CROT: variants seen among roughly 807,000 people sequenced by gnomAD.
CROT encodes peroxisomal carnitine O-octanoyltransferase.
Under a neutral mutation model 89.2 loss-of-function variants are expected in CROT, and 84 were observed. That is an observed-to-expected ratio of 0.94 (90% confidence interval 0.79 to 1.13). The LOEUF is 1.13. CROT is among the 50% of genes most tolerant of loss of function. CROT has a pLI of 0.00. For synonymous variants in CROT, 212 were observed against 239.5 expected (o/e 0.89, Z 1.06); for missense variants, 711 against 727.8 (o/e 0.98, Z 0.27).
At chr7:87,379,868 C>T (rs965907303) in intron 10 of CROT, among the ~76,000 whole-genome samples, 1 of 152,172 alleles carries the variant, frequency 6.6e-6, no homozygotes, top group African/African-American at 2.4e-5. Context: ...AATCCCAGCA[C>T]TTTGGGAGAC....
chr7:87,365,728 C>T (rs1161938713), intron 6 of CROT, among the ~76,000 whole-genome samples: 1 of 151,512 alleles, frequency 6.6e-6, no homozygotes, highest in African/African-American at 2.4e-5. Flanking sequence ...CCACTTCAGC[C>T]TCCTGAGTAG....
chr7:87,383,323 A>T (rs761627183), intron 13 of CROT, among the ~76,000 whole-genome samples: 1 of 151,756 alleles, frequency 6.6e-6, no homozygotes, highest in African/African-American at 2.4e-5. Flanking sequence ...CACGAGATCA[A>T]TTTTTTTTAA....
At chr7:87,368,106 C>T (rs745430948) in intron 6 of CROT, among the ~76,000 whole-genome samples, 20 of 152,176 alleles carry the variant, frequency 1.3e-4, no homozygotes, top group Non-Finnish European at 2.5e-4. Flanking sequence ...CTGCACTGAC[C>T]TTGTTTTCCT....
intron 13 of CROT, among the ~76,000 whole-genome samples, chr7:87,390,059 C>T (rs978584554): frequency 6.6e-6 from 1 of 152,066 alleles, no homozygotes; most frequent in African/African-American, 2.4e-5. Context: ...GGTCATTTAT[C>T]CTGTAGAGTT....
rs185406496 is a variant in CROT at position 87,374,337 on chromosome 7, T to A, written c.657-1295T>A. Among the ~76,000 whole-genome samples the A allele has an allele frequency of 9.8e-4, 149 of 152,198 alleles. 1 individual carries two copies. The highest frequency in any genetic ancestry group is 3.5e-3 in the African/African-American group (147 of 41,580). On this transcript the variant is annotated intron_variant, in intron 7 of 17. Transcript: ENST00000331536. ...ATGTCATTTCAGGTTTAACACACTTTCCTTTGTAATTTCTCCCTAATAATG... is the reference window on the plus strand; with the variant it reads ...ATGTCATTTCAGGTTTAACACACTTACCTTTGTAATTTCTCCCTAATAATG...
Position 87,375,658 on chromosome 7 carries a change from G to A in CROT, c.683G>A (p.Cys228Tyr), listed in dbSNP as rs1346103968. ...CAACTGACATATATCCACAAGAAGT[G>A]CCATAGTGAACCTGATGGACCTGGG... ...LRQLTYIHKK[C>Y]HSEPDGPGIA... Residue 228 changes from cysteine (C) to tyrosine (Y), a missense_variant, in exon 8 of 18, where the codon TGC becomes TAC. Cys to Tyr is a radical substitution (Grantham distance 194). Coordinates refer to ENST00000331536, the MANE Select transcript of CROT (RefSeq NM_021151.4). 1 of 1,613,160 alleles carries A rather than the reference G, an allele frequency of 6.2e-7. No individual in the cohort carries two copies. Among genetic ancestry groups the A allele is most frequent in the Non-Finnish European group, 8.5e-7 (1 of 1,179,230 alleles).
chr7:87,393,699 T>G (rs939216054), intron 17 of CROT, among the ~76,000 whole-genome samples: 1 of 152,178 alleles, frequency 6.6e-6, no homozygotes, highest in African/African-American at 2.4e-5. Flanking sequence ...AAAAATTACG[T>G]GACTACATTT....
chr7:87,363,586 G>T (rs553068760), intron 6 of CROT, among the ~76,000 whole-genome samples: 7 of 152,298 alleles, frequency 4.6e-5, no homozygotes, highest in African/African-American at 1.7e-4. Context: ...TGGATGGCCA[G>T]ATTGGAAAGG....
Position 87,361,784 on chromosome 7 carries a change from G to A in CROT, c.479G>A (p.Arg160Gln), listed in dbSNP as rs767687967. 53 of 1,608,446 alleles carry A rather than the reference G, an allele frequency of 3.3e-5. No homozygotes were observed. The highest frequency in any genetic ancestry group is 3.7e-5 in the Non-Finnish European group (44 of 1,177,288). ...GNTPLDMNQF[R>Q]MLFSTCKVPG... is the part of the protein sequence containing the mutation. ...ACTCCTCTAGATATGAATCAATTCC[G>A]AATGCTATTTTCTACCTGCAAGGTT... Residue 160 changes from arginine (R) to glutamine (Q), a missense_variant, in exon 6 of 18, where the codon CGA becomes CAA. By Grantham distance (43) the Arg-to-Gln change is conservative. Coordinates refer to ENST00000331536, the MANE Select transcript of CROT (RefSeq NM_021151.4).
At chr7:87,380,814 T>TTAAAA in intron 10 of CROT, among the ~76,000 whole-genome samples, 2 of 152,364 alleles carry the variant, frequency 1.3e-5, no homozygotes, top group Middle Eastern at 3.4e-3. Context: ...TGAAACAATA[T>TTAAAA]ATTTGATAAT....
At chr7:87,352,082 A>G (rs144482332) in intron 3 of CROT, among the ~76,000 whole-genome samples, 12 of 152,344 alleles carry the variant, frequency 7.9e-5, no homozygotes, top group African/African-American at 1.9e-4. Flanking sequence ...TTCCAAGAAG[A>G]GGAAAGATAT....
intron 6 of CROT, among the ~76,000 whole-genome samples, chr7:87,367,436 A>C (rs1243450329): frequency 6.6e-6 from 1 of 152,122 alleles, no homozygotes; most frequent in African/African-American, 2.4e-5. Flanking sequence ...CCAGTAAGAC[A>C]CATTTCAGAT....
chr7:87,392,760 T>C lies in CROT; in HGVS notation c.1535T>C (p.Leu512Pro). 1 of 1,613,800 alleles carries C rather than the reference T, an allele frequency of 6.2e-7. No individual in the cohort carries two copies. Among genetic ancestry groups the C allele is most frequent in the Non-Finnish European group, 8.5e-7 (1 of 1,179,818 alleles). Residue 512 changes from leucine to proline, a missense_variant, in exon 16 of 18, where the codon CTC becomes CCC. Coordinates refer to ENST00000331536, the MANE Select transcript of CROT (RefSeq NM_021151.4). ...GFDRHLLGLL[L>P]IAKEEGLPVP... The stretch of plus-strand genomic sequence containing the variant: ...GATCGTCACCTTTTAGGTCTCTTAC[T>C]CATAGCAAAAGAGGAAGGTCTTCCT...
At chr7:87,351,152 C>CA (rs1339070109) in intron 3 of CROT, among the ~76,000 whole-genome samples, 1 of 151,034 alleles carries the variant, frequency 6.6e-6, no homozygotes, top group African/African-American at 2.4e-5. Context: ...ACTAAAAATG[C>CA]AAAAAAATTA....
chr7:87,371,271 G>A (rs985228151), intron 7 of CROT, among the ~76,000 whole-genome samples: 4 of 152,002 alleles, frequency 2.6e-5, no homozygotes, highest in Admixed American at 6.5e-5. Flanking sequence ...TGAGGCATGG[G>A]GTAGTTGCAC....
chr7:87,392,698 T>C (rs1447416677), intron 15 of CROT, 32 bp from the exon 16 acceptor site: 1 of 1,611,156 alleles, frequency 6.2e-7, no homozygotes, highest in Non-Finnish European at 8.5e-7. Flanking sequence ...GAAAAATTTT[T>C]TTCTAACCTG....
rs113894746 is a variant in CROT at position 87,363,395 on chromosome 7, G to T, written c.547+1543G>T. 2.2e-4 allele frequency among the ~76,000 whole-genome samples: 34 copies of T among 152,304 alleles called. 1 individual carries two copies. Among genetic ancestry groups the T allele is most frequent in the African/African-American group, 7.7e-4 (32 of 41,574 alleles). On this transcript the variant is annotated intron_variant, in intron 6 of 17. Transcript: ENST00000331536. ...ATTTTATATTAGATAGTCAGGGAAG[G>T]CCTCTCCAAGGATCTGAATGATAAG...
intron 10 of CROT, among the ~76,000 whole-genome samples, chr7:87,381,554 C>A (rs192361153): frequency 2.0e-5 from 3 of 152,298 alleles, no homozygotes; most frequent in Non-Finnish European, 4.4e-5. Flanking sequence ...CCTGTTCTTA[C>A]AATTCCAGAA....
intron 4 of CROT, 141 bp downstream of exon 4, chr7:87,359,471 CA>C: frequency 1.4e-6 from 2 of 1,398,202 alleles, no homozygotes; most frequent in Non-Finnish European, 9.3e-7. Flanking sequence ...AGGAATGAAT[CA>C]CTTAACTTTG....
Sources: allele counts gnomAD v4.1 joint callset (sites outside exome capture counted in the v4.1 genomes callset), GRCh38; gene constraint gnomAD v4.1.1; transcripts MANE v1.5; gene names NCBI Gene and HGNC (gene_info 2026-07-23, HGNC 2026-07-21).